CACNA1A: variants seen among roughly 807,000 people sequenced by gnomAD.
The protein encoded by CACNA1A is voltage-dependent P/Q-type calcium channel subunit alpha-1A.
CACNA1A carries 57 observed loss-of-function variants against 262.4 expected under a neutral mutation model. That is an observed-to-expected ratio of 0.22 (90% CI 0.18 to 0.27). The LOEUF (loss-of-function observed/expected upper bound fraction) is 0.27, where lower values mean the gene tolerates loss of function less well. Among genes scored for constraint, CACNA1A ranks in the 10% least tolerant of loss-of-function variants. The pLI is 1.00. For missense variants in CACNA1A, 2,526 were observed against 3,562.8 expected, an observed-to-expected ratio of 0.71 and a Z score of 7.41; for synonymous variants, 1,431 against 1,419.3, an observed-to-expected ratio of 1.01 and a Z score of -0.18.
intron 6 of CACNA1A, among the ~76,000 whole-genome samples, chr19:13,356,756 G>T (rs148392792): frequency 3.3e-5 from 5 of 152,054 alleles, no homozygotes; most frequent in African/African-American, 1.2e-4. Flanking sequence ...TCTCAGGAGG[G>T]TTCATTTCCT....
At chr19:13,210,848 G>A (rs1211718382) in intron 43 of CACNA1A, 196 bp from the exon 44 acceptor site, 2 of 639,298 alleles carry the variant, frequency 3.1e-6, no homozygotes, top group Non-Finnish European at 5.6e-6. Context: ...GGGTGTCCCA[G>A]GCCCCCGGGG....
Position 13,303,615 on chromosome 19 carries a change from T to C in CACNA1A, c.2105-2A>G, listed in dbSNP as rs906086634. 3 of 1,611,538 alleles carry C rather than the reference T, an allele frequency of 1.9e-6. No homozygotes were observed. The African/African-American group carries it at 4.0e-5, about 22-fold the overall frequency. On this transcript the variant is annotated splice_acceptor_variant, in intron 16 of 46. Coordinates refer to ENST00000360228, the MANE Select transcript of CACNA1A (RefSeq NM_001127222.2). LOFTEE classifies it high-confidence loss of function. ...CCAAGAACACATTCAGGAGGGTGTC[T>C]GCAAATGTCTGAGTCAGGAAAAGCA...
intron 3 of CACNA1A, among the ~76,000 whole-genome samples, chr19:13,374,536 T>A (rs13346420): frequency 0.012 from 1,889 of 151,266 alleles, 36 homozygotes; most frequent in African/African-American, 0.044. Context: ...AGGTATGAGC[T>A]ACTGCACTTG....
intron 1 of CACNA1A, among the ~76,000 whole-genome samples, chr19:13,478,749 G>A (rs1173267217): frequency 6.6e-6 from 1 of 152,226 alleles, no homozygotes; most frequent in Non-Finnish European, 1.5e-5. Context: ...TAAACAAACT[G>A]TGGTTATTTC....
chr19:13,470,031 C>T (rs78074262), intron 1 of CACNA1A, among the ~76,000 whole-genome samples: 8,040 of 152,104 alleles, frequency 0.053, 297 homozygotes, highest in Non-Finnish European at 0.071. Context: ...GGGCTGGTGA[C>T]ATTAAATTCA....
chr19:13,288,779 G>GAATA (rs2057465862), intron 19 of CACNA1A, among the ~76,000 whole-genome samples: 1 of 152,092 alleles, frequency 6.6e-6, no homozygotes, highest in Admixed American at 6.6e-5. Context: ...TATCTAGAAA[G>GAATA]AATAAATAAA....
chr19:13,213,279 G>GA (rs943824716), intron 40 of CACNA1A, among the ~76,000 whole-genome samples: 1 of 152,044 alleles, frequency 6.6e-6, no homozygotes, highest in Non-Finnish European at 1.5e-5. Flanking sequence ...CCTCTGCCTG[G>GA]AACACCCTTC....
At chr19:13,412,488 T>A (rs2060129257) in intron 3 of CACNA1A, among the ~76,000 whole-genome samples, 1 of 151,868 alleles carries the variant, frequency 6.6e-6, no homozygotes, top group Non-Finnish European at 1.5e-5. Flanking sequence ...CTTTTCTTTT[T>A]TTTTTTTGAG....
intron 6 of CACNA1A, among the ~76,000 whole-genome samples, chr19:13,349,168 G>T (rs754112344): frequency 2.6e-5 from 4 of 152,116 alleles, no homozygotes; most frequent in Non-Finnish European, 5.9e-5. Context: ...TCACCCTGTG[G>T]GCCTCCGTTT....
rs2055876455 is a variant in CACNA1A, at chr19:13,236,386, C to G, written c.4951-656G>C. On this transcript the variant is annotated intron_variant, in intron 31 of 46. Transcript: ENST00000360228. The surrounding 1 kb of genome is among the most constrained non-coding windows in gnomAD (Gnocchi z 4.6). ...CGCTCCTGCCCGCCCTGACCTCACC[C>G]CACGGCCAAGAGGAGCAGCGGCTCG... is the stretch of plus-strand genomic sequence containing the variant. The G allele has an allele frequency of 6.5e-6, 1 of 153,394 alleles. No homozygotes were observed. The highest frequency in any genetic ancestry group is 6.5e-5 in the Admixed American group (1 of 15,332). 9.5% of individuals were successfully genotyped at this position (153,394 alleles called of 1,614,324 possible). A position where few individuals can be genotyped will look rare whatever the true frequency, so the allele number is the denominator to read the frequency against.
Position 13,305,101 on chromosome 19 carries a change from G to A in CACNA1A, c.1987-1217C>T, listed in dbSNP as rs566498817. ...CAGGAAGCACCAGTAGGGGAGAGGA[G>A]AAGTGAGAAAAGGGAAAAGAGGGTG... On this transcript the variant is annotated intron_variant, in intron 15 of 46. Transcript: ENST00000360228. Among the ~76,000 whole-genome samples, 16 of 152,326 alleles carry A rather than the reference G, an allele frequency of 1.1e-4. No individual in the cohort carries two copies. The South Asian group carries it at 1.7e-3, about 16-fold the overall frequency.
At chr19:13,300,783 T>C (rs571900784) in intron 17 of CACNA1A, 127 bp from the exon 18 acceptor site, 4 of 749,754 alleles carry the variant, frequency 5.3e-6, no homozygotes, top group East Asian at 2.5e-5. Context: ...GGCTCCCCAA[T>C]TGGAATGGGT....
At chr19:13,414,898 G>A (rs2060194671) in intron 3 of CACNA1A, among the ~76,000 whole-genome samples, 1 of 152,110 alleles carries the variant, frequency 6.6e-6, no homozygotes, top group Non-Finnish European at 1.5e-5. Flanking sequence ...GGGAGGTCAA[G>A]GCTACAGTGA....
At chr19:13,387,559 G>A (rs2059636230) in intron 3 of CACNA1A, among the ~76,000 whole-genome samples, 2 of 152,150 alleles carry the variant, frequency 1.3e-5, no homozygotes, top group Non-Finnish European at 2.9e-5. Context: ...TCCCCACTGG[G>A]ACCTCAGCCA....
intron 3 of CACNA1A, 163 bp downstream of exon 3, chr19:13,452,713 G>A: frequency 1.6e-6 from 1 of 642,916 alleles, no homozygotes; most frequent in Non-Finnish European, 2.8e-6. Context: ...ATATACAGCT[G>A]AGACATGGAG....
chr19:13,214,651 G>A lies in CACNA1A; in HGVS notation c.5732-43C>T. 6.8e-7 allele frequency: 1 copy of A among 1,480,302 alleles called. No homozygotes were observed. The highest frequency in any genetic ancestry group is 9.4e-7 in the Non-Finnish European group (1 of 1,065,952). The allele number at this position is 1,480,302 out of a possible 1,614,324, so 91.7% of individuals were successfully genotyped here. On this transcript the variant is annotated intron_variant, in intron 38 of 46. Transcript: ENST00000360228. The surrounding 1 kb of genome is among the most constrained non-coding windows in gnomAD (Gnocchi z 4.1). The stretch of plus-strand genomic sequence containing the variant: ...ACAGACCCTGACTGCCTGCCTGGGT[G>A]TCAGCTGGACTCTGGGTCAGCTGCA...
Position 13,207,625 on chromosome 19 carries a change from A to G in CACNA1A, c.7209T>C (p.Gly2403=). ...CCCGGTAGTAGCCATGGTGCCGGGG[A>G]CCCGGGGGCCCCTCGGACACGTGCG... ...SGPHVSEGPP[G]PRHHGYYRGS... is the part of the protein sequence containing the mutation. Residue 2403 remains glycine, a synonymous_variant, in exon 47 of 47, where the codon GGT becomes GGC. Coordinates refer to ENST00000360228, the MANE Select transcript of CACNA1A (RefSeq NM_001127222.2). The surrounding 1 kb of genome is among the most constrained non-coding windows in gnomAD (Gnocchi z 5.7). 6.8e-7 allele frequency: 1 copy of G among 1,478,350 alleles called. No homozygotes were observed. The highest frequency in any genetic ancestry group is 1.3e-5 in the South Asian group (1 of 78,918). The allele number at this position is 1,478,350 out of a possible 1,614,324, so 91.6% of individuals were successfully genotyped here. A position where few individuals can be genotyped will look rare whatever the true frequency, so the allele number is the denominator to read the frequency against.
rs186724074 is a variant in CACNA1A, at chr19:13,390,261, G to T, written c.540-18482C>A. Reference sequence around the variant, plus strand: ...CCTGAGTAGCTGGGACTACAGGCATGCAACACTTTGCCTGGCTAATTCTTA... The same window carrying T: ...CCTGAGTAGCTGGGACTACAGGCATTCAACACTTTGCCTGGCTAATTCTTA... On this transcript the variant is annotated intron_variant, in intron 3 of 46. Transcript: ENST00000360228. Among the ~76,000 whole-genome samples, 4 of 152,276 alleles carry T rather than the reference G, an allele frequency of 2.6e-5. No individual in the cohort carries two copies. In the East Asian group the frequency reaches 5.8e-4, roughly 22 times the overall value.
At chr19:13,403,796 A>C (rs59103106) in intron 3 of CACNA1A, among the ~76,000 whole-genome samples, 14,510 of 151,248 alleles carry the variant, frequency 0.096, 1,370 homozygotes, top group African/African-American at 0.24. Context: ...AACAAACAAA[A>C]AAAAACTTTA....
Sources: gnomAD v4.1 joint callset for allele counts (sites outside exome capture counted in the v4.1 genomes callset) on GRCh38, gnomAD v4.1.1 for gene constraint, Gnocchi (gnomAD v3.1) non-coding constraint, MANE v1.5 for transcripts, NCBI Gene and HGNC (gene_info 2026-07-23, HGNC 2026-07-21) for gene names.